The following SCIN variants were observed in gnomAD, a reference collection of about 807,000 sequenced individuals.
SCIN encodes scinderin.
SCIN carries 91 observed loss-of-function variants against 91.8 expected under a neutral mutation model. That is an observed-to-expected ratio of 0.99 (90% CI 0.84 to 1.18). SCIN has a LOEUF of 1.18. Among genes scored for constraint, SCIN ranks in the 50% most tolerant of loss-of-function variants. The pLI, the probability that SCIN is intolerant of heterozygous loss-of-function variation, is 0.00. For synonymous variants in SCIN, 367 were observed against 312.6 expected (o/e 1.17, Z -1.84); for missense variants, 1,087 against 863.9 (o/e 1.26, Z -3.24).
intron 9 of SCIN, among the ~76,000 whole-genome samples, chr7:12,629,467 C>T (rs1265763319): frequency 6.6e-6 from 1 of 152,036 alleles, no homozygotes; most frequent in African/African-American, 2.4e-5. Context: ...TATCCTAAAC[C>T]AGTGATGTTC....
At chr7:12,631,243 T>G (rs1783635896) in intron 9 of SCIN, among the ~76,000 whole-genome samples, 1 of 152,236 alleles carries the variant, frequency 6.6e-6, no homozygotes, top group African/African-American at 2.4e-5. Flanking sequence ...CCAAGCATTG[T>G]ACTAATTTCT....
At chr7:12,592,094 A>T (rs1368885763) in intron 3 of SCIN, among the ~76,000 whole-genome samples, 3 of 152,128 alleles carry the variant, frequency 2.0e-5, no homozygotes, top group Non-Finnish European at 4.4e-5. Flanking sequence ...AGTCCATGTG[A>T]GTTGTTGTGA....
At chr7:12,610,768 T>C (rs1183765052) in intron 4 of SCIN, among the ~76,000 whole-genome samples, 5 of 152,184 alleles carry the variant, frequency 3.3e-5, no homozygotes, top group African/African-American at 1.2e-4. Context: ...TTTTTTCAGG[T>C]GATAGTTAGA....
At chr7:12,609,597 T>G (rs1350253487) in intron 4 of SCIN, among the ~76,000 whole-genome samples, 2 of 152,132 alleles carry the variant, frequency 1.3e-5, no homozygotes, top group Non-Finnish European at 2.9e-5. Context: ...CAGCATCTGG[T>G]AGATATAAAA....
chr7:12,598,709 A>G (rs1312395643), intron 3 of SCIN, among the ~76,000 whole-genome samples: 1 of 152,154 alleles, frequency 6.6e-6, no homozygotes, highest in Non-Finnish European at 1.5e-5. Context: ...CTTGGGCAAC[A>G]TGGTAAAACC....
At chr7:12,607,612 AG>A (rs1783104540) in intron 4 of SCIN, among the ~76,000 whole-genome samples, 4 of 152,228 alleles carry the variant, frequency 2.6e-5, no homozygotes, top group Admixed American at 6.5e-5. Context: ...AATCCTACAA[AG>A]CACCCACTTT....
chr7:12,612,323 C>T (rs917486292), intron 4 of SCIN, among the ~76,000 whole-genome samples: 38 of 152,004 alleles, frequency 2.5e-4, no homozygotes, highest in African/African-American at 5.1e-4. Context: ...GTCCATTTAC[C>T]GACTTACCAT....
rs375158721 is a variant in SCIN, at chr7:12,577,169, G to A, written c.200-895G>A. On this transcript the variant is annotated intron_variant, in intron 1 of 15. Transcript: ENST00000297029. ...ACATTAACACTTAATAAATGTTAGC[G>A]TGCTGCTTCCTTTGCTCTTCCTTTC... Among the ~76,000 whole-genome samples, 19 of 152,216 alleles carry A rather than the reference G, an allele frequency of 1.2e-4. No homozygotes were observed. In the East Asian group the frequency reaches 2.3e-3, roughly 19 times the overall value.
intron 4 of SCIN, among the ~76,000 whole-genome samples, chr7:12,613,016 G>C (rs974336617): frequency 3.3e-5 from 5 of 152,068 alleles, no homozygotes; most frequent in Admixed American, 1.3e-4. Context: ...AATATCAATA[G>C]ACTCTGTAAA....
chr7:12,621,555 G>T (rs1459889634), intron 4 of SCIN, among the ~76,000 whole-genome samples: 1 of 151,828 alleles, frequency 6.6e-6, no homozygotes, highest in Non-Finnish European at 1.5e-5. Flanking sequence ...TATATGTGAG[G>T]AGATCTTTGA....
At chr7:12,648,146 C>G (rs6945041) in intron 13 of SCIN, among the ~76,000 whole-genome samples, 3,112 of 151,994 alleles carry the variant, frequency 0.02, 44 homozygotes, top group Non-Finnish European at 0.032. Context: ...CCTTCCATTA[C>G]CCTTTAATGC....
chr7:12,577,795 A>T (rs908326699), intron 1 of SCIN: 1 of 441,176 alleles, frequency 2.3e-6, no homozygotes, highest in Non-Finnish European at 4.2e-6. Context: ...GTTTGGGGTT[A>T]CAGTGAGCTA....
intron 3 of SCIN, among the ~76,000 whole-genome samples, chr7:12,586,734 A>C (rs906639809): frequency 6.6e-6 from 1 of 152,200 alleles, no homozygotes; most frequent in Non-Finnish European, 1.5e-5. Context: ...CAATGGAACA[A>C]TAATCAGCCA....
chr7:12,593,245 G>A (rs1487060090), intron 3 of SCIN, among the ~76,000 whole-genome samples: 1 of 152,150 alleles, frequency 6.6e-6, no homozygotes, highest in Non-Finnish European at 1.5e-5. Context: ...TGGCTAGACT[G>A]ACAGATAGCC....
chr7:12,638,733 T>G (rs936929434), intron 10 of SCIN, among the ~76,000 whole-genome samples: 1 of 152,222 alleles, frequency 6.6e-6, no homozygotes, highest in South Asian at 2.1e-4. Context: ...TACAAGTTAG[T>G]AGATACAAAA....
intron 13 of SCIN, among the ~76,000 whole-genome samples, chr7:12,645,334 AAC>A (rs1489541561): frequency 6.6e-6 from 1 of 152,134 alleles, no homozygotes; most frequent in African/African-American, 2.4e-5. Context: ...TCTCAAAAAA[AAC>A]ACAAAAAACA....
At chr7:12,576,812 G>T (rs1782381565) in intron 1 of SCIN, among the ~76,000 whole-genome samples, 2 of 152,096 alleles carry the variant, frequency 1.3e-5, no homozygotes, top group South Asian at 4.1e-4. Flanking sequence ...TGCTTTATGA[G>T]GTTGCTTGAA....
chr7:12,605,386 A>G (rs1290842785), intron 4 of SCIN, among the ~76,000 whole-genome samples: 1 of 152,082 alleles, frequency 6.6e-6, no homozygotes. Flanking sequence ...GTTTTCTTCA[A>G]TTTTAAAATT....
Position 12,644,160 on chromosome 7 carries a change from T to C in SCIN, c.1604T>C (p.Leu535Pro). The C allele has an allele frequency of 1.2e-6, 2 of 1,612,904 alleles. No homozygotes were observed. Among genetic ancestry groups the C allele is most frequent in the Non-Finnish European group, 1.7e-6 (2 of 1,179,358 alleles). Residue 535 changes from leucine to proline, a missense_variant, in exon 12 of 16, where the codon CTG becomes CCG. Leu to Pro is a moderately conservative substitution (Grantham distance 98). Transcript: ENST00000297029. The stretch of plus-strand genomic sequence containing the variant: ...CAGGTTGATGTTGATGCAAATTCAC[T>C]GAATTCTAACGATGTTTTTGTCCTG... Reference protein sequence around the residue: ...IVEVDVDANSLNSNDVFVLKL... With the variant: ...IVEVDVDANSPNSNDVFVLKL...
Sources: allele counts gnomAD v4.1 joint callset (sites outside exome capture counted in the v4.1 genomes callset), GRCh38; gene constraint gnomAD v4.1.1; transcripts MANE v1.5; gene names NCBI Gene and HGNC (gene_info 2026-07-23, HGNC 2026-07-21).